The following ANK3 variants were observed in gnomAD, a reference collection of about 807,000 sequenced individuals.
ANK3 encodes the protein ankyrin 3, also known as ankyrin-3.
ANK3 carries 57 observed loss-of-function variants against 370.9 expected under a neutral mutation model. The ratio of observed to expected loss-of-function variants is 0.15; its 90% CI spans 0.12 to 0.19. The LOEUF (loss-of-function observed/expected upper bound fraction) is 0.19. Ranked by LOEUF, ANK3 falls within the 10% of genes least tolerant of loss-of-function variation. The probability of loss-of-function intolerance (pLI) is 1.00; values close to 1 mark genes in which losing one functional copy is unlikely to be tolerated. For synonymous variants in ANK3, 1,929 were observed against 1,946.3 expected, an observed-to-expected ratio of 0.99 and a Z score of 0.23; for missense variants, 4,439 against 5,302.1, an observed-to-expected ratio of 0.84 and a Z score of 5.06.
chr10:60,138,849 A>T, intron 24 of ANK3, 115 bp downstream of exon 24: 3 of 1,392,314 alleles, frequency 2.2e-6, no homozygotes, highest in Non-Finnish European at 2.9e-6. Context: ...CGCTAAATTC[A>T]CATCTTCATC....
At chr10:60,325,323 A>G (rs1828502726) in intron 1 of ANK3, among the ~76,000 whole-genome samples, 2 of 152,176 alleles carry the variant, frequency 1.3e-5, no homozygotes, top group African/African-American at 4.8e-5. Context: ...AGAAGATTAC[A>G]TCTCTCTGCA....
chr10:60,497,051 C>G (rs116224474), intron 2 of ANK3, among the ~76,000 whole-genome samples: 1 of 152,168 alleles, frequency 6.6e-6, no homozygotes, highest in Non-Finnish European at 1.5e-5. Flanking sequence ...CCTGTAATCC[C>G]AGCACTTTTG....
At chr10:60,518,731 C>T (rs988591825) in intron 2 of ANK3, among the ~76,000 whole-genome samples, 2 of 152,156 alleles carry the variant, frequency 1.3e-5, no homozygotes, top group Non-Finnish European at 2.9e-5. Context: ...TACTAATTAA[C>T]TTTAATGACA....
At chr10:60,631,420 C>T (rs1171460590) in intron 1 of ANK3, among the ~76,000 whole-genome samples, 1 of 151,818 alleles carries the variant, frequency 6.6e-6, no homozygotes, top group Non-Finnish European at 1.5e-5. Flanking sequence ...TAGTCCCAGC[C>T]ACTTGGGAGG....
At chr10:60,445,396 C>A (rs1449379928) in intron 2 of ANK3, among the ~76,000 whole-genome samples, 2 of 151,856 alleles carry the variant, frequency 1.3e-5, no homozygotes, top group Admixed American at 6.6e-5. Flanking sequence ...TGCCAAAAAA[C>A]AAACAAGCAA....
At chr10:60,467,457 A>G (rs988794928) in intron 2 of ANK3, among the ~76,000 whole-genome samples, 7 of 152,212 alleles carry the variant, frequency 4.6e-5, no homozygotes, top group African/African-American at 1.7e-4. Context: ...TCAGATTTTT[A>G]AAGAAGTAAG....
At chr10:60,604,645 T>C (rs1197233181) in intron 2 of ANK3, among the ~76,000 whole-genome samples, 3 of 152,154 alleles carry the variant, frequency 2.0e-5, no homozygotes, top group African/African-American at 7.2e-5. Context: ...AGTATATTTT[T>C]CAAGGTTACC....
At chr10:60,151,238 C>T (rs2095098430) in intron 23 of ANK3, among the ~76,000 whole-genome samples, 1 of 152,116 alleles carries the variant, frequency 6.6e-6, no homozygotes, top group Non-Finnish European at 1.5e-5. Flanking sequence ...AGGTCTATCC[C>T]CTCCAAATCT....
intron 7 of ANK3, among the ~76,000 whole-genome samples, chr10:60,238,786 A>G (rs2097372791): frequency 2.0e-5 from 3 of 151,992 alleles, no homozygotes; most frequent in South Asian, 2.1e-4. Flanking sequence ...AACAGGCTCC[A>G]CCTCTCACAT....
intron 1 of ANK3, chr10:60,684,860 C>A: frequency 6.7e-7 from 1 of 1,492,474 alleles, no homozygotes; most frequent in Admixed American, 1.8e-5. Flanking sequence ...CACAAAATAA[C>A]TAGGTTATCA....
At chr10:60,328,033 A>T (rs1004284779) in intron 1 of ANK3, among the ~76,000 whole-genome samples, 6 of 151,428 alleles carry the variant, frequency 4.0e-5, no homozygotes, top group South Asian at 2.1e-4. Context: ...ACATATTCTT[A>T]AAAAAAAAGA....
intron 1 of ANK3, among the ~76,000 whole-genome samples, chr10:60,663,186 C>T (rs143288419): frequency 4.2e-4 from 64 of 152,294 alleles, no homozygotes; most frequent in African/African-American, 1.5e-3. Context: ...TCGTATTGTA[C>T]ATTCTTGGCC....
At chr10:60,655,265 G>A (rs2078848200) in intron 1 of ANK3, among the ~76,000 whole-genome samples, 3 of 151,700 alleles carry the variant, frequency 2.0e-5, no homozygotes, top group African/African-American at 7.3e-5. Context: ...CCTTCTGGAA[G>A]TATTCCAGAA....
rs556184431 is a variant in ANK3, at chr10:60,227,297, A to G, written c.897+7391T>C. 1.7e-4 allele frequency among the ~76,000 whole-genome samples: 26 copies of G among 152,160 alleles called. No individual in the cohort carries two copies. The South Asian group carries it at 5.0e-3, about 29-fold the overall frequency. On this transcript the variant is annotated intron_variant, in intron 8 of 43. Coordinates refer to ENST00000280772, the MANE Select transcript of ANK3 (RefSeq NM_020987.5). ...TTCAGTGTTTCTGATGAGAAGTCAG[A>G]TAACATTCTTATAATTGTCTTTCCC...
At chr10:60,706,034 G>A (rs1227780023) in intron 1 of ANK3, among the ~76,000 whole-genome samples, 1 of 152,008 alleles carries the variant, frequency 6.6e-6, no homozygotes, top group Non-Finnish European at 1.5e-5. Flanking sequence ...ATGTTGCCCA[G>A]GCTGGTCTTA....
intron 2 of ANK3, among the ~76,000 whole-genome samples, chr10:60,548,189 C>A: frequency 6.7e-6 from 1 of 150,162 alleles, no homozygotes; most frequent in East Asian, 2.0e-4. Flanking sequence ...AATTTCAAAC[C>A]CATTTTTAAA....
chr10:60,167,809 C>A (rs1486586836), intron 21 of ANK3, among the ~76,000 whole-genome samples: 1 of 152,034 alleles, frequency 6.6e-6, no homozygotes, highest in Admixed American at 6.5e-5. Flanking sequence ...AGAGATAATA[C>A]TTGGTAAATG....
chr10:60,729,534 G>A (rs1329775905), intron 1 of ANK3, among the ~76,000 whole-genome samples: 1 of 152,018 alleles, frequency 6.6e-6, no homozygotes, highest in Non-Finnish European at 1.5e-5. Flanking sequence ...ATCAAGCCAG[G>A]TCCAAAATAT....
intron 42 of ANK3, among the ~76,000 whole-genome samples, chr10:60,048,704 TTGAG>T (rs1174759476): frequency 6.6e-6 from 1 of 151,878 alleles, no homozygotes; most frequent in Non-Finnish European, 1.5e-5. Flanking sequence ...TCAAGGTTGG[TTGAG>T]TTTGTGCATG....
Sources: gnomAD v4.1 joint callset for allele counts (sites outside exome capture counted in the v4.1 genomes callset) on GRCh38, gnomAD v4.1.1 for gene constraint, MANE v1.5 for transcripts, NCBI Gene and HGNC (gene_info 2026-07-23, HGNC 2026-07-21) for gene names.